IGSF22: variants seen among roughly 807,000 people sequenced by gnomAD.
IGSF22 encodes the protein immunoglobulin superfamily, member 22.
A neutral mutation model predicts 127.0 loss-of-function variants in IGSF22; 119 were observed. That is an observed-to-expected ratio of 0.94 (90% CI 0.81 to 1.09). The LOEUF is 1.09. IGSF22 is among the 50% of genes least tolerant of loss of function. IGSF22 has a pLI of 0.00. For synonymous variants in IGSF22, 568 were observed against 664.7 expected (o/e 0.85, Z 2.24); for missense variants, 1,518 against 1,716.6 (o/e 0.88, Z 2.04).
intron 22 of IGSF22, among the ~76,000 whole-genome samples, chr11:18,704,997 C>T (rs1048987732): frequency 1.3e-5 from 2 of 152,178 alleles, no homozygotes; most frequent in Non-Finnish European, 2.9e-5. Context: ...GTGCCAGACA[C>T]TTAGCTAAGC....
At chr11:18,725,503 C>T (rs768660483) in intron 1 of IGSF22, among the ~76,000 whole-genome samples, 34 of 151,870 alleles carry the variant, frequency 2.2e-4, no homozygotes, top group South Asian at 4.2e-4. Context: ...TGCAGTGGCA[C>T]GATCTTGGCC....
chr11:18,706,928 A>T lies in IGSF22; in HGVS notation c.3566T>A (p.Ile1189Asn). ...CCCAGACTCACTCTGGTCCTTATTG[A>T]TGAGCCAGGTGTCCCTGGAGTCAAG... is the stretch of plus-strand genomic sequence containing the variant. ...EPLDSRDTWL[I>N]NKDQIQDLSA... Residue 1189 changes from isoleucine to asparagine, a missense_variant, in exon 21 of 23, where the codon ATC becomes AAC. Ile to Asn is a moderately radical substitution (Grantham distance 149, BLOSUM62 -3). Coordinates refer to ENST00000513874, the MANE Select transcript of IGSF22 (RefSeq NM_173588.4). 1 of 1,510,532 alleles carries T rather than the reference A, an allele frequency of 6.6e-7. No homozygotes were observed. The highest frequency in any genetic ancestry group is 2.5e-5 in the East Asian group (1 of 40,658). 93.6% of individuals were successfully genotyped at this position (1,510,532 alleles called of 1,614,324 possible).
chr11:18,706,944 T>C lies in IGSF22; in HGVS notation c.3550A>G (p.Arg1184Gly). 6.6e-7 allele frequency: 1 copy of C among 1,523,788 alleles called. No individual in the cohort carries two copies. The highest frequency in any genetic ancestry group is 8.8e-7 in the Non-Finnish European group (1 of 1,131,874). 94.4% of individuals were successfully genotyped at this position (1,523,788 alleles called of 1,614,324 possible). Residue 1184 changes from arginine to glycine, a missense_variant, in exon 21 of 23, where the codon AGG (arginine) becomes GGG (glycine). Physicochemically the swap from Arg to Gly is moderately radical, Grantham distance 125. This residue lies in a region of IGSF22 where 1,456 missense variants were observed against 1,644.9 expected (regional missense o/e 0.89). Transcript: ENST00000513874. ...TCCTTATTGATGAGCCAGGTGTCCC[T>C]GGAGTCAAGTGGCTCACTGTCACCG... ...EIGDSEPLDSRDTWLINKDQI... is the reference protein window; with the variant it reads ...EIGDSEPLDSGDTWLINKDQI...
chr11:18,706,701 C>T (rs1022848456), intron 21 of IGSF22: 17 of 510,772 alleles, frequency 3.3e-5, no homozygotes, highest in African/African-American at 7.7e-5. Context: ...TCTCTGCCCC[C>T]AAAGGTACCT....
At chr11:18,721,510 C>G (rs746324675) in intron 4 of IGSF22, 25 bp downstream of exon 4, 3 of 1,613,998 alleles carry the variant, frequency 1.9e-6, no homozygotes, top group Admixed American at 3.3e-5. Flanking sequence ...TTCTCGGTAA[C>G]TGGACTTGGG....
Position 18,707,978 on chromosome 11 carries a change from C to A in IGSF22, c.3106G>T (p.Val1036Leu), listed in dbSNP as rs191927164. 470 of 1,614,114 alleles carry A rather than the reference C, an allele frequency of 2.9e-4. No individual in the cohort carries two copies. Among genetic ancestry groups the A allele is most frequent in the Admixed American group, 6.5e-4 (39 of 60,026 alleles). The change falls in exon 20 of 23, where the codon GTG (valine) becomes TTG (leucine). Residue 1036 changes from valine (V) to leucine (L), a missense_variant. Physicochemically the swap from Val to Leu is conservative, Grantham distance 32 (BLOSUM62 1). Coordinates refer to ENST00000513874, the MANE Select transcript of IGSF22 (RefSeq NM_173588.4). ...GGAACGCCATCTTTCTGCCAGATCA[C>A]GTCAGGTGGTGGTGAGCCCTGAGTA... The part of the protein sequence containing the change: ...AAFSGSPPPD[V>L]IWQKDGVPTK...
In IGSF22 at chr11:18,704,336, C is replaced by A; in HGVS notation, c.*132G>T. 1 of 673,564 alleles carries A rather than the reference C, an allele frequency of 1.5e-6. No homozygotes were observed. The highest frequency in any genetic ancestry group is 1.6e-5 in the South Asian group (1 of 62,092). 41.7% of individuals were successfully genotyped at this position (673,564 alleles called of 1,614,324 possible). A position where few individuals can be genotyped will look rare whatever the true frequency, so the allele number is the denominator to read the frequency against. ...AAAGGATGAGTTACGTTTATTGCCC[C>A]ATCCCTTCACTGAATGTTTACATTA... On this transcript the variant is annotated 3_prime_UTR_variant, in exon 23 of 23. Transcript: ENST00000513874.
intron 1 of IGSF22, among the ~76,000 whole-genome samples, chr11:18,725,769 G>A (rs775221267): frequency 1.3e-5 from 2 of 152,138 alleles, no homozygotes; most frequent in African/African-American, 4.8e-5. Flanking sequence ...GTCCTATTTC[G>A]TATATGAGGA....
intron 20 of IGSF22, chr11:18,707,444 A>G: frequency 1.9e-6 from 1 of 534,148 alleles, no homozygotes; most frequent in Non-Finnish European, 3.3e-6. Context: ...TAGAGCTGAC[A>G]ATGACTATTT....
At position 18,713,983 on chromosome 11, in the gene IGSF22, G is replaced by GT. The variant is rs1481072848; in HGVS notation, c.1963_1964insA (p.Ser655TyrfsTer19). ...TGCCTGGTCTTCCCCGCGCTCCATG[G>GT]ACACGCGTTCCTCCTCCGTCACTTC... On this transcript the variant is annotated frameshift_variant, in exon 14 of 23. Transcript: ENST00000513874. LOFTEE classifies it high-confidence loss of function. 1 of 1,614,136 alleles carries GT rather than the reference G, an allele frequency of 6.2e-7. No homozygotes were observed. The highest frequency in any genetic ancestry group is 8.5e-7 in the Non-Finnish European group (1 of 1,180,056).
intron 4 of IGSF22, 93 bp from the exon 5 acceptor site, chr11:18,720,378 G>T (rs1297047592): frequency 2.7e-5 from 22 of 827,914 alleles, no homozygotes; most frequent in Non-Finnish European, 3.1e-5. Context: ...TTTTTTTTAG[G>T]GGACAATAGG....
At position 18,712,111 on chromosome 11, in the gene IGSF22, G is replaced by A; in HGVS notation, c.2369C>T (p.Thr790Ile). 1 of 1,551,506 alleles carries A rather than the reference G, an allele frequency of 6.4e-7. No individual in the cohort carries two copies. Among genetic ancestry groups the A allele is most frequent in the South Asian group, 1.2e-5 (1 of 84,056 alleles). Residue 790 changes from threonine to isoleucine, a missense_variant, in exon 15 of 23, where the codon ACA becomes ATA. Physicochemically the swap from Thr to Ile is moderately conservative, Grantham distance 89 (BLOSUM62 -1). Coordinates refer to ENST00000513874, the MANE Select transcript of IGSF22 (RefSeq NM_173588.4). ...GGGATTTCCTGCAAACACTTCTTCT[G>A]TCTCCAGTGGGTCACTCACACCTTC... ...NSEGVSDPLE[T>I]EEVFAGNPIE...
intron 18 of IGSF22, among the ~76,000 whole-genome samples, chr11:18,708,890 G>A (rs1270733440): frequency 2.6e-5 from 4 of 152,182 alleles, no homozygotes; most frequent in African/African-American, 9.7e-5. Flanking sequence ...CACTATTGTA[G>A]AGCCTAAGAT....
At chr11:18,710,098 C>T (rs767654994) in intron 17 of IGSF22, among the ~76,000 whole-genome samples, 17 of 152,116 alleles carry the variant, frequency 1.1e-4, no homozygotes, top group South Asian at 2.1e-4. Flanking sequence ...TAGAAATACA[C>T]GAAATTTAAA....
In IGSF22 at chr11:18,706,071, A is replaced by C; in HGVS notation, c.3656T>G (p.Leu1219Arg). ...GCCGCGGAGCACCGTGTGTGGCTTG[A>C]GGGGCGTCACGAAGCGCGGCGCGTG... ...WRHAPRFVTPLKPHTVLRGQD... is the reference protein window; with the variant it reads ...WRHAPRFVTPRKPHTVLRGQD... The change falls in exon 22 of 23, where the codon CTC (leucine) becomes CGC (arginine). Residue 1219 changes from leucine (L) to arginine (R), a missense_variant. By Grantham distance (102) the Leu-to-Arg change is moderately radical (BLOSUM62 -2). Around this residue, in one of 3 missense-constraint regions of IGSF22, gnomAD observed 1,456 missense variants for 1,644.9 expected, o/e 0.89. Transcript: ENST00000513874. The C allele has an allele frequency of 6.4e-7, 1 of 1,550,410 alleles. No individual in the cohort carries two copies. The highest frequency in any genetic ancestry group is 8.7e-7 in the Non-Finnish European group (1 of 1,146,900).
At chr11:18,704,725 A>G (rs887605692) in intron 22 of IGSF22, 187 bp from the exon 23 acceptor site, 2 of 592,104 alleles carry the variant, frequency 3.4e-6, no homozygotes, top group Non-Finnish European at 6.1e-6. Context: ...ACATTGTGCC[A>G]GGCAGTTGTG....
Position 18,726,074 on chromosome 11 carries a change from C to T in IGSF22, c.-34G>A, listed in dbSNP as rs1247794530. The T allele has an allele frequency of 3.3e-5, 5 of 152,456 alleles. No homozygotes were observed. Among genetic ancestry groups the T allele is most frequent in the Admixed American group, 3.3e-4 (5 of 15,290 alleles). 9.4% of individuals were successfully genotyped at this position (152,456 alleles called of 1,614,324 possible). ...TCCTGAGGGAGGAGGGGAGCCTTACCTTCAGCACTGACCAGTCCCTCCCAA... is the reference window on the plus strand; with the variant it reads ...TCCTGAGGGAGGAGGGGAGCCTTACTTTCAGCACTGACCAGTCCCTCCCAA... On this transcript the variant is annotated splice_region_variant and 5_prime_UTR_variant, in exon 1 of 23. Transcript: ENST00000513874.
Position 18,707,183 on chromosome 11 carries a change from A to G in IGSF22, c.3311T>C (p.Leu1104Ser), listed in dbSNP as rs1457285987. ...CACTGTGTTGGGGACTTCCTCAAAC[A>G]ACCGTAGGTTTGTGGGGGGCCGAGG... ...DFPRPPTNLR[L>S]FEEVPNTVTL... The change falls in exon 21 of 23, where the codon TTG becomes TCG. Residue 1104 changes from leucine to serine, a missense_variant. By Grantham distance (145) the Leu-to-Ser change is moderately radical. This residue lies in a region of IGSF22 where 1,456 missense variants were observed against 1,644.9 expected (regional missense o/e 0.89). Coordinates refer to ENST00000513874, the MANE Select transcript of IGSF22 (RefSeq NM_173588.4). The G allele has an allele frequency of 7.8e-6, 12 of 1,544,046 alleles. No individual in the cohort carries two copies. The highest frequency in any genetic ancestry group is 2.0e-5 in the Admixed American group (1 of 50,176).
chr11:18,721,424 C>T (rs1213066407), intron 4 of IGSF22, 111 bp downstream of exon 4: 2 of 1,438,436 alleles, frequency 1.4e-6, no homozygotes, highest in East Asian at 2.3e-5. Flanking sequence ...TCCCACTGCC[C>T]GGCTCTCGGG....
Sources: gnomAD v4.1 joint callset for allele counts (sites outside exome capture counted in the v4.1 genomes callset) on GRCh38, gnomAD v4.1.1 for gene constraint, gnomAD v4.1.1 regional missense constraint, MANE v1.5 for transcripts, NCBI Gene and HGNC (gene_info 2026-07-23, HGNC 2026-07-21) for gene names.